METTL9: variants seen among roughly 807,000 people sequenced by gnomAD.
The protein encoded by METTL9 is methyltransferase 9, His-X-His N1(pi)-histidine, also known as protein-L-histidine N-pros-methyltransferase.
METTL9 carries 10 observed loss-of-function variants against 36.0 expected under a neutral mutation model. That is an observed-to-expected ratio of 0.28 (90% confidence interval 0.17 to 0.47). METTL9 has a LOEUF of 0.47. Ranked by LOEUF, METTL9 falls within the 20% of genes least tolerant of loss-of-function variation. The pLI is 0.99. For synonymous variants in METTL9, 175 were observed against 149.7 expected (o/e 1.17, Z -1.23); for missense variants, 246 against 383.5 (o/e 0.64, Z 3.00).
At chr16:21,635,753 A>T (rs1452407140) in intron 4 of METTL9, among the ~76,000 whole-genome samples, 2 of 152,094 alleles carry the variant, frequency 1.3e-5, no homozygotes, top group African/African-American at 4.8e-5. Context: ...CCTGTTTCCC[A>T]TCTGAAAGAC....
intron 4 of METTL9, chr16:21,643,022 C>G: frequency 7.7e-7 from 1 of 1,290,460 alleles, no homozygotes; most frequent in Non-Finnish European, 1.1e-6. Flanking sequence ...TTAGTTTTTT[C>G]AAACGTGCTT....
chr16:21,651,592 C>T (rs971932730), intron 4 of METTL9, among the ~76,000 whole-genome samples: 5 of 152,086 alleles, frequency 3.3e-5, no homozygotes, highest in Non-Finnish European at 7.4e-5. Context: ...TGAACCACCA[C>T]GCCCAGCCCA....
intron 4 of METTL9, chr16:21,643,259 C>T: frequency 1.3e-6 from 1 of 794,448 alleles, no homozygotes; most frequent in South Asian, 1.4e-5. Flanking sequence ...GTCCCAAAAA[C>T]TACCCCCTCC....
intron 4 of METTL9, among the ~76,000 whole-genome samples, chr16:21,632,033 TG>T (rs1239681231): frequency 6.6e-6 from 1 of 152,170 alleles, no homozygotes; most frequent in Non-Finnish European, 1.5e-5. Flanking sequence ...CCCTTTCTGC[TG>T]GTTTTTCCCT....
chr16:21,650,844 G>GT (rs1966554628), intron 4 of METTL9, among the ~76,000 whole-genome samples: 1 of 152,144 alleles, frequency 6.6e-6, no homozygotes, highest in African/African-American at 2.4e-5. Flanking sequence ...TCTAGGAATT[G>GT]TTTTTTAAAC....
At chr16:21,597,210 T>C (rs1964964301), upstream of METTL9, 13 of 1,252,156 alleles carry the variant, frequency 1.0e-5, no homozygotes, top group Non-Finnish European at 1.4e-5. Flanking sequence ...TTCTCCTCAT[T>C]TGTAATTCAG....
At chr16:21,603,812 A>G (rs1279651101) in intron 1 of METTL9, among the ~76,000 whole-genome samples, 3 of 152,210 alleles carry the variant, frequency 2.0e-5, no homozygotes, top group Non-Finnish European at 4.4e-5. Context: ...AAGCACAGAT[A>G]ACATTCAATA....
At chr16:21,632,592 C>T (rs193062527) in intron 4 of METTL9, among the ~76,000 whole-genome samples, 51 of 152,202 alleles carry the variant, frequency 3.4e-4, no homozygotes, top group Admixed American at 1.2e-3. Flanking sequence ...CACGCACATA[C>T]GTATTTGAAG....
rs551581310 is a variant in METTL9 at position 21,634,750 on chromosome 16, T to C, written c.751+9635T>C. Among the ~76,000 whole-genome samples, 8 of 152,258 alleles carry C rather than the reference T, an allele frequency of 5.3e-5. No individual in the cohort carries two copies. In the East Asian group the frequency reaches 1.4e-3, roughly 26 times the overall value. ...CTTTTAGGATCAATTGACCCTTGAG[T>C]GATTTGGGCGACGGGAGTATATTTT... is the stretch of plus-strand genomic sequence containing the variant. On this transcript the variant is annotated intron_variant, in intron 4 of 4. Transcript: ENST00000358154.
At chr16:21,648,651 G>T (rs1966489234) in intron 4 of METTL9, among the ~76,000 whole-genome samples, 2 of 152,232 alleles carry the variant, frequency 1.3e-5, no homozygotes, top group African/African-American at 4.8e-5. Flanking sequence ...AGCCACTCGA[G>T]TGCACAAATG....
At chr16:21,613,276 C>T (rs144711204) in intron 2 of METTL9, among the ~76,000 whole-genome samples, 3,624 of 148,608 alleles carry the variant, frequency 0.024, 143 homozygotes, top group African/African-American at 0.087. Context: ...CTCCGCCTCC[C>T]GGGTTTAAGT....
chr16:21,619,144 C>T (rs1032251589), intron 3 of METTL9, among the ~76,000 whole-genome samples: 2 of 152,064 alleles, frequency 1.3e-5, no homozygotes, highest in East Asian at 1.9e-4. Context: ...GTACAGATAC[C>T]GACTTGAGCC....
At chr16:21,636,021 A>G (rs1966083003) in intron 4 of METTL9, among the ~76,000 whole-genome samples, 2 of 152,072 alleles carry the variant, frequency 1.3e-5, no homozygotes, top group Non-Finnish European at 2.9e-5. Context: ...GCCTTTACTG[A>G]TGCATTCTCA....
At chr16:21,635,654 GA>G (rs1966074167) in intron 4 of METTL9, among the ~76,000 whole-genome samples, 1 of 152,042 alleles carries the variant, frequency 6.6e-6, no homozygotes, top group Non-Finnish European at 1.5e-5. Context: ...CCATAGTGCA[GA>G]AAAAAATGAG....
At chr16:21,628,976 C>G (rs1965878781) in intron 4 of METTL9, among the ~76,000 whole-genome samples, 1 of 151,240 alleles carries the variant, frequency 6.6e-6, no homozygotes, top group Non-Finnish European at 1.5e-5. Context: ...TCACTGCAAC[C>G]TCCGCCTCCT....
intron 4 of METTL9, chr16:21,641,703 G>T: frequency 3.7e-6 from 2 of 542,636 alleles, no homozygotes; most frequent in South Asian, 2.8e-5. Context: ...GGTCCTAAGT[G>T]TCCATATGGT....
intron 1 of METTL9, among the ~76,000 whole-genome samples, chr16:21,606,062 T>C (rs1471871796): frequency 6.6e-6 from 1 of 151,836 alleles, no homozygotes; most frequent in Non-Finnish European, 1.5e-5. Flanking sequence ...AAAACACAGG[T>C]GCGGTGGCTC....
chr16:21,633,732 G>C (rs1966019756), intron 4 of METTL9, among the ~76,000 whole-genome samples: 1 of 152,170 alleles, frequency 6.6e-6, no homozygotes, highest in South Asian at 2.1e-4. Flanking sequence ...CTAGAATTGA[G>C]GTGTTTCAGG....
chr16:21,611,583 A>G (rs991536383), intron 1 of METTL9, among the ~76,000 whole-genome samples: 2 of 152,168 alleles, frequency 1.3e-5, no homozygotes, highest in Non-Finnish European at 2.9e-5. Context: ...TCTCACTGCT[A>G]TTATTATTGT....
Sources: allele counts gnomAD v4.1 joint callset (sites outside exome capture counted in the v4.1 genomes callset), GRCh38; gene constraint gnomAD v4.1.1; transcripts MANE v1.5; gene names NCBI Gene and HGNC (gene_info 2026-07-23, HGNC 2026-07-21).